Variants in NAA25 observed in about 807,000 individuals in gnomAD.
NAA25 encodes the protein N-terminal acetyltransferase B complex subunit NAA25.
A neutral mutation model predicts 132.5 loss-of-function variants in NAA25; 30 were observed. That is an observed-to-expected ratio of 0.23 (90% confidence interval 0.17 to 0.31). The LOEUF is 0.31. Among genes scored for constraint, NAA25 ranks in the 10% least tolerant of loss-of-function variants. NAA25 has a pLI of 1.00. For synonymous variants in NAA25, 359 were observed against 401.9 expected, an observed-to-expected ratio of 0.89 and a Z score of 1.28; for missense variants, 771 against 1,150.4, an observed-to-expected ratio of 0.67 and a Z score of 4.77.
chr12:112,080,429 T>C (rs562031304), intron 5 of NAA25, among the ~76,000 whole-genome samples: 1 of 152,068 alleles, frequency 6.6e-6, no homozygotes, highest in African/African-American at 2.4e-5. Flanking sequence ...CCCAGCACTT[T>C]GGGAGGCTGA....
At chr12:112,098,432 T>C (rs2079246440) in intron 1 of NAA25, among the ~76,000 whole-genome samples, 1 of 152,208 alleles carries the variant, frequency 6.6e-6, no homozygotes, top group Non-Finnish European at 1.5e-5. Context: ...TGGGAAAGTT[T>C]ATTTTCATTT....
chr12:112,061,497 A>C, intron 11 of NAA25, 109 bp from the exon 12 acceptor site: 1 of 872,558 alleles, frequency 1.1e-6, no homozygotes, highest in South Asian at 1.7e-5. Context: ...AGAAAAAAAA[A>C]ACTAAAATTC....
intron 7 of NAA25, among the ~76,000 whole-genome samples, chr12:112,076,597 T>G (rs2078898757): frequency 6.6e-6 from 1 of 152,222 alleles, no homozygotes; most frequent in Admixed American, 6.5e-5. Flanking sequence ...CCAAATTAGA[T>G]TTGCCCAACT....
intron 15 of NAA25, among the ~76,000 whole-genome samples, chr12:112,052,905 T>A (rs1829344294): frequency 1.3e-5 from 2 of 152,208 alleles, no homozygotes; most frequent in South Asian, 4.1e-4. Flanking sequence ...TGTTGGGCAG[T>A]TTTTTATAAT....
intron 3 of NAA25, among the ~76,000 whole-genome samples, chr12:112,088,542 A>G (rs1761623857): frequency 6.6e-6 from 1 of 151,104 alleles, no homozygotes. Flanking sequence ...GTACTATAGC[A>G]TTTATTAACA....
At chr12:112,031,552 T>C (rs1272373389) in intron 23 of NAA25, among the ~76,000 whole-genome samples, 1 of 152,174 alleles carries the variant, frequency 6.6e-6, no homozygotes, top group Non-Finnish European at 1.5e-5. Flanking sequence ...AAGCTAGGGC[T>C]TGAAAAATCC....
At chr12:112,087,632 T>C in intron 4 of NAA25, 51 bp downstream of exon 4, 1 of 1,251,966 alleles carries the variant, frequency 8.0e-7, no homozygotes, top group Non-Finnish European at 1.2e-6. Flanking sequence ...AAAGAGACTT[T>C]TGCCTCTAAT....
intron 15 of NAA25, among the ~76,000 whole-genome samples, chr12:112,052,801 T>C (rs1205856506): frequency 1.3e-5 from 2 of 152,242 alleles, no homozygotes; most frequent in Non-Finnish European, 1.5e-5. Flanking sequence ...GGCAGATAGC[T>C]GGCACAGCCA....
chr12:112,040,516 G>C lies in NAA25; in HGVS notation c.2503C>G (p.Pro835Ala), dbSNP rs2078287108. 6.2e-7 allele frequency: 1 copy of C among 1,604,132 alleles called. No individual in the cohort carries two copies. Among genetic ancestry groups the C allele is most frequent in the South Asian group, 1.1e-5 (1 of 90,012 alleles). ...AAAACTAGATTTTCTAAAAGAGTAG[G>C]ATGTGTTTTCAAGTTACCATCTTTA... Reference protein sequence around the residue: ...EVKDGNLKTHPTLLENLVFFV... With the variant: ...EVKDGNLKTHATLLENLVFFV... The change falls in exon 21 of 24, where the codon CCT becomes GCT. Residue 835 changes from proline to alanine, a missense_variant. By Grantham distance (27) the Pro-to-Ala change is conservative. This residue lies in a region of NAA25 where 324 missense variants were observed against 400.0 expected (regional missense o/e 0.81). Transcript: ENST00000261745.
intron 10 of NAA25, among the ~76,000 whole-genome samples, chr12:112,070,733 G>A (rs953336107): frequency 6.6e-6 from 1 of 151,088 alleles, no homozygotes; most frequent in Admixed American, 6.6e-5. Flanking sequence ...ACGACACCAC[G>A]CTCAGATAAT....
Position 112,040,534 on chromosome 12 carries a change from C to T in NAA25, c.2485G>A (p.Gly829Ser), listed in dbSNP as rs773164731. 4.0e-5 allele frequency: 64 copies of T among 1,605,582 alleles called. No individual in the cohort carries two copies. In the East Asian group the frequency reaches 7.6e-4, roughly 19 times the overall value. ...CKGDLLEVKD[G>S]NLKTHPTLLE... ...AGAGTAGGATGTGTTTTCAAGTTAC[C>T]ATCTTTAACTTCTAAGAGGTCACCT... The change falls in exon 21 of 24, where the codon GGT (glycine) becomes AGT (serine). Residue 829 changes from glycine (G) to serine (S), a missense_variant. By Grantham distance (56) the Gly-to-Ser change is moderately conservative. Around this residue, in one of 3 missense-constraint regions of NAA25, gnomAD observed 324 missense variants for 400.0 expected, o/e 0.81. Coordinates refer to ENST00000261745, the MANE Select transcript of NAA25 (RefSeq NM_024953.4).
intron 11 of NAA25, 38 bp downstream of exon 11, chr12:112,068,842 G>C (rs761040640): frequency 8.8e-7 from 1 of 1,133,596 alleles, no homozygotes; most frequent in South Asian, 1.4e-5. Flanking sequence ...TCAACAAATA[G>C]AGGCACCCAA....
At chr12:112,077,482 A>AT (rs2078910462) in intron 7 of NAA25, among the ~76,000 whole-genome samples, 1 of 151,418 alleles carries the variant, frequency 6.6e-6, no homozygotes, top group Admixed American at 6.6e-5. Context: ...CAAAAAAAAA[A>AT]AGAAAGAAAG....
chr12:112,091,670 G>A (rs562557926), intron 2 of NAA25, among the ~76,000 whole-genome samples: 3 of 151,726 alleles, frequency 2.0e-5, no homozygotes, highest in African/African-American at 4.8e-5. Context: ...CTGCAGTCCA[G>A]CCTAGGCAAC....
chr12:112,074,111 T>C (rs965936387), intron 9 of NAA25, among the ~76,000 whole-genome samples: 2 of 151,984 alleles, frequency 1.3e-5, no homozygotes, highest in Non-Finnish European at 2.9e-5. Flanking sequence ...GATGCTGAGA[T>C]GGGTGGATCA....
intron 10 of NAA25, among the ~76,000 whole-genome samples, chr12:112,069,994 G>A (rs1240876605): frequency 6.6e-6 from 1 of 151,904 alleles, no homozygotes; most frequent in Non-Finnish European, 1.5e-5. Context: ...CAGGTGTGGT[G>A]GCGATCGCCT....
At chr12:112,030,944 ATT>A (rs76808707) in intron 23 of NAA25, among the ~76,000 whole-genome samples, 2 of 146,968 alleles carry the variant, frequency 1.4e-5, no homozygotes. Flanking sequence ...TGAATTTAAA[ATT>A]TTTTTTTTTT....
At chr12:112,053,820 TTA>T (rs2078503712) in intron 14 of NAA25, among the ~76,000 whole-genome samples, 163 bp from the exon 15 acceptor site, 1 of 109,876 alleles carries the variant, frequency 9.1e-6, no homozygotes, top group Non-Finnish European at 1.7e-5. Context: ...CAGTTAAAAT[TTA>T]AAAAAAAAAA....
Position 112,108,728 on chromosome 12 carries a change from G to T in NAA25, c.46C>A (p.Arg16=). 6.5e-7 allele frequency: 1 copy of T among 1,528,552 alleles called. No individual in the cohort carries two copies. Among genetic ancestry groups the T allele is most frequent in the South Asian group, 1.2e-5 (1 of 82,092 alleles). 94.7% of individuals were successfully genotyped at this position (1,528,552 alleles called of 1,614,324 possible). A position where few individuals can be genotyped will look rare whatever the true frequency, so the allele number is the denominator to read the frequency against. Residue 16 remains arginine (R), a synonymous_variant, in exon 1 of 24, where the codon CGG becomes AGG. Transcript: ENST00000261745. ...HVQDPNDRRL[R]PIYDYLDNGN... Reference sequence around the variant, plus strand: ...CCAAGACACTCACCGTAAATGGGCCGGAGGCGCCTGTCGTTAGGGTCCTGC... The same window carrying T: ...CCAAGACACTCACCGTAAATGGGCCTGAGGCGCCTGTCGTTAGGGTCCTGC...
Sources: allele counts gnomAD v4.1 joint callset (sites outside exome capture counted in the v4.1 genomes callset), GRCh38; gene constraint gnomAD v4.1.1; regional missense constraint gnomAD v4.1.1; transcripts MANE v1.5; gene names NCBI Gene and HGNC (gene_info 2026-07-23, HGNC 2026-07-21).